The following ZNF691 variants were observed in gnomAD, a reference collection of about 807,000 sequenced individuals.
The protein encoded by ZNF691 is zinc finger protein 691.
A neutral mutation model predicts 24.1 loss-of-function variants in ZNF691; 11 were observed. The ratio of observed to expected loss-of-function variants is 0.46; its 90% confidence interval spans 0.29 to 0.75. The LOEUF is 0.75. Among genes scored for constraint, ZNF691 ranks in the 30% least tolerant of loss-of-function variants. ZNF691 has a pLI of 0.11. For synonymous variants in ZNF691, 149 were observed against 153.9 expected (o/e 0.97, Z 0.23); for missense variants, 356 against 409.0 (o/e 0.87, Z 1.12).
chr1:42,849,882 T>C (rs1463206643), intron 3 of ZNF691, 140 bp downstream of exon 3: 2 of 707,356 alleles, frequency 2.8e-6, no homozygotes, highest in Non-Finnish European at 2.5e-6. Flanking sequence ...TGGGGTGGGG[T>C]GTGGGGAGTG....
Position 42,852,303 on chromosome 1 carries a change from G to T in ZNF691, c.*490G>T. The T allele has an allele frequency of 4.0e-6, 1 of 251,740 alleles. No individual in the cohort carries two copies. The highest frequency in any genetic ancestry group is 8.4e-6 in the Non-Finnish European group (1 of 118,494). The allele number at this position is 251,740 out of a possible 1,614,324, so 15.6% of individuals were successfully genotyped here. ...AGGAGTGACCTTCTCAATGGAAGGGGCCTCCTTGGTCTGGAGAAGAGATCT... is the reference window on the plus strand; with the variant it reads ...AGGAGTGACCTTCTCAATGGAAGGGTCCTCCTTGGTCTGGAGAAGAGATCT... On this transcript the variant is annotated 3_prime_UTR_variant, in exon 4 of 4. Coordinates refer to ENST00000651192, the MANE Select transcript of ZNF691 (RefSeq NM_001242739.2).
chr1:42,849,827 T>C (rs1267160710), intron 3 of ZNF691, 85 bp downstream of exon 3: 8 of 1,211,134 alleles, frequency 6.6e-6, no homozygotes, highest in Admixed American at 2.0e-5. Context: ...TAGTGATGTT[T>C]GCACAAATCA....
intron 1 of ZNF691, among the ~76,000 whole-genome samples, chr1:42,847,292 G>A (rs1338726162): frequency 6.6e-6 from 1 of 152,220 alleles, no homozygotes; most frequent in Admixed American, 6.5e-5. Flanking sequence ...CCGCACTATG[G>A]CTTGGCCCCT....
chr1:42,850,801 AT>A, intron 3 of ZNF691, 148 bp from the exon 4 acceptor site: 1 of 1,549,310 alleles, frequency 6.5e-7, no homozygotes, highest in Non-Finnish European at 8.7e-7. Flanking sequence ...AAGTAAAGGT[AT>A]TCTATCCAAG....
At chr1:42,848,322 T>C (rs892365787) in intron 1 of ZNF691, among the ~76,000 whole-genome samples, 14 of 151,648 alleles carry the variant, frequency 9.2e-5, no homozygotes, top group Non-Finnish European at 7.4e-5. Flanking sequence ...CTGTCACTTA[T>C]ACATTCAAAA....
At chr1:42,849,800 T>C in intron 3 of ZNF691, 58 bp downstream of exon 3, 1 of 1,397,618 alleles carries the variant, frequency 7.2e-7, no homozygotes, top group Admixed American at 2.0e-5. Context: ...AAGGAGTCTG[T>C]GCAGCTTAGC....
intron 1 of ZNF691, 143 bp from the exon 2 acceptor site, chr1:42,849,148 G>A: frequency 3.4e-6 from 1 of 290,938 alleles, no homozygotes; most frequent in Non-Finnish European, 6.7e-6. Context: ...GAAAAAGCTT[G>A]TCAACCTCTG....
At chr1:42,849,026 ATGTCT>A (rs1466764891) in intron 1 of ZNF691, among the ~76,000 whole-genome samples, 3 of 152,180 alleles carry the variant, frequency 2.0e-5, no homozygotes, top group Admixed American at 6.5e-5. Flanking sequence ...ACATTCCTTT[ATGTCT>A]TGTCTATGGC....
At chr1:42,848,269 AG>A (rs1162583542) in intron 1 of ZNF691, among the ~76,000 whole-genome samples, 2 of 152,080 alleles carry the variant, frequency 1.3e-5, no homozygotes, top group East Asian at 3.9e-4. Flanking sequence ...GGAGCAGGGC[AG>A]GGGGTGGGGG....
In ZNF691 at chr1:42,849,590, A is replaced by T. The variant is rs937876298; in HGVS notation, c.-69A>T. ...AAATACTTGCAGACTTGAAGGAATT[A>T]TCAGTCTTTCATTTTCTATCATCAG... On this transcript the variant is annotated 5_prime_UTR_variant, in exon 3 of 4. Coordinates refer to ENST00000651192, the MANE Select transcript of ZNF691 (RefSeq NM_001242739.2). 6.0e-6 allele frequency: 7 copies of T among 1,161,538 alleles called. No homozygotes were observed. In the African/African-American group the frequency reaches 1.1e-4, roughly 18 times the overall value. 72.0% of individuals were successfully genotyped at this position (1,161,538 alleles called of 1,614,324 possible). A position where few individuals can be genotyped will look rare whatever the true frequency, so the allele number is the denominator to read the frequency against.
rs1655320829 is a variant in ZNF691 at position 42,849,478 on chromosome 1, G to T, written c.-95+65G>T. On this transcript the variant is annotated intron_variant, in intron 2 of 3. Coordinates refer to ENST00000651192, the MANE Select transcript of ZNF691 (RefSeq NM_001242739.2). ...AGAGTGGTTGAATAATTTGCAGAGA[G>T]CGATAAAGATAGTATGTGTCACAGT... is the stretch of plus-strand genomic sequence containing the variant. 4 of 694,808 alleles carry T rather than the reference G, an allele frequency of 5.8e-6. No individual in the cohort carries two copies. In the Admixed American group the frequency reaches 8.1e-5, roughly 14 times the overall value. 43.0% of individuals were successfully genotyped at this position (694,808 alleles called of 1,614,324 possible).
Position 42,852,423 on chromosome 1 carries a change from C to G in ZNF691, c.*610C>G, listed in dbSNP as rs563789999. The G allele has an allele frequency of 5.5e-6, 1 of 181,624 alleles. No individual in the cohort carries two copies. Among genetic ancestry groups the G allele is most frequent in the East Asian group, 1.7e-4 (1 of 5,964 alleles). 11.3% of individuals were successfully genotyped at this position (181,624 alleles called of 1,614,324 possible). On this transcript the variant is annotated 3_prime_UTR_variant, in exon 4 of 4. Coordinates refer to ENST00000651192, the MANE Select transcript of ZNF691 (RefSeq NM_001242739.2). ...ATGTTTGTTACTTGTTATCCCTCCC[C>G]CAACCTGCCTCTGTTTTCCCCAGAG...
intron 1 of ZNF691, among the ~76,000 whole-genome samples, chr1:42,846,884 T>C (rs944690079): frequency 3.3e-5 from 5 of 152,068 alleles, no homozygotes; most frequent in African/African-American, 1.2e-4. Flanking sequence ...GGCCCTTCTG[T>C]TGGGTTTGAG....
At position 42,852,359 on chromosome 1, in the gene ZNF691, C is replaced by G. The variant is rs1157102277; in HGVS notation, c.*546C>G. 1 of 207,966 alleles carries G rather than the reference C, an allele frequency of 4.8e-6. No individual in the cohort carries two copies. The highest frequency in any genetic ancestry group is 1.1e-5 in the Non-Finnish European group (1 of 92,128). The allele number at this position is 207,966 out of a possible 1,614,324, so 12.9% of individuals were successfully genotyped here. A position where few individuals can be genotyped will look rare whatever the true frequency, so the allele number is the denominator to read the frequency against. On this transcript the variant is annotated 3_prime_UTR_variant, in exon 4 of 4. Transcript: ENST00000651192. The stretch of plus-strand genomic sequence containing the variant: ...CCCACCTTAGAAATGAAAGGGAAAC[C>G]CTCAGGGAGCCATGACCCAGGGACC...
rs767038591 is a variant in ZNF691 at position 42,849,715 on chromosome 1, G to A, written c.57G>A (p.Pro19=). 17 of 1,550,922 alleles carry A rather than the reference G, an allele frequency of 1.1e-5. 1 individual carries two copies. The highest frequency in any genetic ancestry group is 8.3e-5 in the South Asian group (7 of 84,066). The change falls in exon 3 of 4, where the codon CCG becomes CCA. Residue 19 remains proline, a synonymous_variant. Transcript: ENST00000651192. The stretch of plus-strand genomic sequence containing the variant: ...AAATGTCGTTATTTCTTCAAGGCCC[G>A]GAGGAAATGCTACCACTCTCATCAG... ...SAEMSLFLQG[P]EEMLPLSSEG... is the part of the protein sequence containing the mutation.
Position 42,851,797 on chromosome 1 carries a change from G to T in ZNF691, c.932G>T (p.Gly311Val). The change falls in exon 4 of 4, where the codon GGG (glycine) becomes GTG (valine). Residue 311 changes from glycine to valine, a missense_variant. Transcript: ENST00000651192. The surrounding 1 kb of genome is among the most constrained non-coding windows in gnomAD (Gnocchi z 4.7). ...AAAACTCACTTGGGCGAACAGGCTG[G>T]GAAAGATTCCAGCTGAAGGAGAGCC... ...HQKTHLGEQA[G>V]KDSS 1 of 1,614,110 alleles carries T rather than the reference G, an allele frequency of 6.2e-7. No individual in the cohort carries two copies. The highest frequency in any genetic ancestry group is 8.5e-7 in the Non-Finnish European group (1 of 1,179,946).
chr1:42,849,092 A>G (rs1570556699), intron 1 of ZNF691, among the ~76,000 whole-genome samples, 199 bp from the exon 2 acceptor site: 1 of 152,322 alleles, frequency 6.6e-6, no homozygotes, highest in African/African-American at 2.4e-5. Flanking sequence ...TACAGCAGAT[A>G]TCCCATGGCC....
chr1:42,850,957 A>T lies in ZNF691; in HGVS notation c.92A>T (p.Glu31Val). Reference protein sequence around the residue: ...EMLPLSSEGSEMGSEKEQSPE... With the variant: ...EMLPLSSEGSVMGSEKEQSPE... ...ATTTGTGTTCATTCTCAGGGTTCAG[A>T]GATGGGCAGTGAGAAGGAGCAGAGT... Residue 31 changes from glutamate (E) to valine (V), a missense_variant, in exon 4 of 4, where the codon GAG (glutamate) becomes GTG (valine). By Grantham distance (121) the Glu-to-Val change is moderately radical (BLOSUM62 -2). Coordinates refer to ENST00000651192, the MANE Select transcript of ZNF691 (RefSeq NM_001242739.2). The T allele has an allele frequency of 6.5e-7, 1 of 1,535,804 alleles. No homozygotes were observed. The highest frequency in any genetic ancestry group is 8.7e-7 in the Non-Finnish European group (1 of 1,146,172).
Position 42,852,133 on chromosome 1 carries a change from C to G in ZNF691, c.*320C>G. The G allele has an allele frequency of 2.2e-6, 1 of 449,798 alleles. No individual in the cohort carries two copies. Among genetic ancestry groups the G allele is most frequent in the South Asian group, 2.0e-5 (1 of 49,112 alleles). 27.9% of individuals were successfully genotyped at this position (449,798 alleles called of 1,614,324 possible). A position where few individuals can be genotyped will look rare whatever the true frequency, so the allele number is the denominator to read the frequency against. ...TTATTAAGGCAGCAGTCCCCCTGGC[C>G]TTTGAGGAAGTACTTATGAGATGGG... is the stretch of plus-strand genomic sequence containing the variant. On this transcript the variant is annotated 3_prime_UTR_variant, in exon 4 of 4. Coordinates refer to ENST00000651192, the MANE Select transcript of ZNF691 (RefSeq NM_001242739.2).
Sources: allele counts gnomAD v4.1 joint callset (sites outside exome capture counted in the v4.1 genomes callset), GRCh38; gene constraint gnomAD v4.1.1; non-coding constraint Gnocchi (gnomAD v3.1); transcripts MANE v1.5; gene names NCBI Gene and HGNC (gene_info 2026-07-23, HGNC 2026-07-21).